Variants in KCNK2 observed in about 807,000 individuals in gnomAD.
KCNK2 encodes the protein potassium channel subfamily K member 2.
In KCNK2, 21 loss-of-function variants were observed where a neutral mutation model predicts 40.5. The ratio of observed to expected loss-of-function variants is 0.52; its 90% confidence interval spans 0.37 to 0.75. KCNK2 has a LOEUF of 0.75. KCNK2 is among the 30% of genes least tolerant of loss of function. KCNK2 has a pLI of 0.00. For synonymous variants in KCNK2, 191 were observed against 202.2 expected (o/e 0.94, Z 0.47); for missense variants, 399 against 531.6 (o/e 0.75, Z 2.45).
At chr1:215,121,954 A>ATTTGTTT (rs1661206686) in intron 2 of KCNK2, among the ~76,000 whole-genome samples, 3 of 152,200 alleles carry the variant, frequency 2.0e-5, no homozygotes, top group Non-Finnish European at 4.4e-5. Flanking sequence ...CACAAACAGA[A>ATTTGTTT]GATCTTTGAT....
intron 1 of KCNK2, among the ~76,000 whole-genome samples, chr1:215,064,048 G>T (rs1658451229): frequency 6.6e-6 from 1 of 152,162 alleles, no homozygotes; most frequent in African/African-American, 2.4e-5. Context: ...TGTATGAGGG[G>T]AATGTGTGTG....
At chr1:215,191,992 A>G (rs1322355693) in intron 5 of KCNK2, among the ~76,000 whole-genome samples, 3 of 152,232 alleles carry the variant, frequency 2.0e-5, no homozygotes, top group African/African-American at 7.2e-5. Flanking sequence ...TTAGTAAGCC[A>G]GAGACAAATA....
chr1:215,096,433 T>C (rs1392608100), intron 2 of KCNK2, among the ~76,000 whole-genome samples: 2 of 152,026 alleles, frequency 1.3e-5, no homozygotes, highest in African/African-American at 2.4e-5. Context: ...CAGTGCATAA[T>C]GATTAAATCT....
intron 1 of KCNK2, among the ~76,000 whole-genome samples, chr1:215,042,577 A>G (rs1657606503): frequency 6.6e-6 from 1 of 152,232 alleles, no homozygotes; most frequent in African/African-American, 2.4e-5. Flanking sequence ...GACTAAGAAT[A>G]AGAGTAGAAG....
intron 3 of KCNK2, among the ~76,000 whole-genome samples, chr1:215,157,310 C>G (rs951228909): frequency 6.6e-6 from 1 of 152,152 alleles, no homozygotes; most frequent in Non-Finnish European, 1.5e-5. Context: ...AGTGACCTAG[C>G]AGTTTTCTGA....
chr1:215,047,654 C>G (rs1033340590), intron 1 of KCNK2, among the ~76,000 whole-genome samples: 2 of 151,956 alleles, frequency 1.3e-5, no homozygotes, highest in Non-Finnish European at 2.9e-5. Context: ...TTCAAATATC[C>G]TAGAAAATTT....
chr1:215,104,985 T>C (rs1485225944), intron 2 of KCNK2, among the ~76,000 whole-genome samples: 1 of 152,132 alleles, frequency 6.6e-6, no homozygotes, highest in African/African-American at 2.4e-5. Flanking sequence ...TTAGAGGCTT[T>C]GTAGTATGCC....
At chr1:215,011,773 A>AT (rs1454899193) in intron 1 of KCNK2, among the ~76,000 whole-genome samples, 2 of 151,508 alleles carry the variant, frequency 1.3e-5, no homozygotes, top group African/African-American at 2.4e-5. Context: ...GCCCAGCTAT[A>AT]TTTTTTGTAT....
chr1:215,020,148 G>A (rs2102477311), intron 1 of KCNK2, among the ~76,000 whole-genome samples: 1 of 152,202 alleles, frequency 6.6e-6, no homozygotes, highest in Non-Finnish European at 1.5e-5. Flanking sequence ...TCAGAGGTGT[G>A]GCACTTTGGA....
intron 1 of KCNK2, among the ~76,000 whole-genome samples, chr1:215,086,024 G>T (rs1659417265): frequency 6.6e-6 from 1 of 152,146 alleles, no homozygotes; most frequent in East Asian, 1.9e-4. Flanking sequence ...TAGGAGTTCA[G>T]TATCTCTTTG....
intron 1 of KCNK2, among the ~76,000 whole-genome samples, chr1:215,068,049 CTTTTTTTT>C (rs397782084): frequency 7.2e-6 from 1 of 138,204 alleles, no homozygotes; most frequent in Admixed American, 7.3e-5. Context: ...GTTTCTTTTT[CTTTTTTTT>C]TTTTTTAATT....
intron 6 of KCNK2, among the ~76,000 whole-genome samples, chr1:215,229,223 T>TG (rs1390626263): frequency 1.4e-5 from 2 of 145,214 alleles, no homozygotes; most frequent in African/African-American, 5.1e-5. Flanking sequence ...TTTTTTTTTT[T>TG]GAATGTGAAT....
intron 3 of KCNK2, among the ~76,000 whole-genome samples, chr1:215,165,010 T>C (rs1013346718): frequency 6.6e-6 from 1 of 152,204 alleles, no homozygotes; most frequent in Non-Finnish European, 1.5e-5. Context: ...ACTATGCATG[T>C]ACATTTGCCT....
At position 215,234,882 on chromosome 1, in the gene KCNK2, T is replaced by A; in HGVS notation, c.1018T>A (p.Phe340Ile). 1 of 1,614,104 alleles carries A rather than the reference T, an allele frequency of 6.2e-7. No individual in the cohort carries two copies. Among genetic ancestry groups the A allele is most frequent in the Non-Finnish European group, 8.5e-7 (1 of 1,180,004 alleles). The change falls in exon 7 of 7, where the codon TTC becomes ATC. Residue 340 changes from phenylalanine to isoleucine, a missense_variant. Phe to Ile is a conservative substitution (Grantham distance 21). Around this residue, in one of 3 missense-constraint regions of KCNK2, gnomAD observed 103 missense variants for 124.3 expected, o/e 0.83. Transcript: ENST00000444842. ...AEWTANVTAE[F>I]KETRRRLSVE... ...GTGGACAGCCAACGTCACAGCCGAA[T>A]TCAAAGAAACCAGGAGGCGACTGAG...
At chr1:215,033,249 G>C (rs1475110596) in intron 1 of KCNK2, among the ~76,000 whole-genome samples, 1 of 145,098 alleles carries the variant, frequency 6.9e-6, no homozygotes, top group Non-Finnish European at 1.5e-5. Flanking sequence ...TAATCTCTCT[G>C]CTTATATTGT....
chr1:215,035,133 T>C (rs1657340431), intron 1 of KCNK2, among the ~76,000 whole-genome samples: 1 of 152,126 alleles, frequency 6.6e-6, no homozygotes. Context: ...GTCTTTGTAC[T>C]TATAGTATCC....
chr1:215,218,577 A>G (rs1666045821), intron 6 of KCNK2, among the ~76,000 whole-genome samples: 1 of 152,140 alleles, frequency 6.6e-6, no homozygotes. Flanking sequence ...TGAACAAAGC[A>G]TGTAAATGCT....
At chr1:215,053,188 G>C (rs1431390222) in intron 1 of KCNK2, among the ~76,000 whole-genome samples, 1 of 152,112 alleles carries the variant, frequency 6.6e-6, no homozygotes, top group Non-Finnish European at 1.5e-5. Flanking sequence ...TAAAATGCAG[G>C]CAAGGTGAAC....
At chr1:215,026,044 T>C (rs1462237327) in intron 1 of KCNK2, among the ~76,000 whole-genome samples, 2 of 152,010 alleles carry the variant, frequency 1.3e-5, no homozygotes, top group African/African-American at 2.4e-5. Flanking sequence ...TGTGTTGGCC[T>C]CATAGGGTTA....
Sources: gnomAD v4.1 joint callset for allele counts (sites outside exome capture counted in the v4.1 genomes callset) on GRCh38, gnomAD v4.1.1 for gene constraint, gnomAD v4.1.1 regional missense constraint, MANE v1.5 for transcripts, NCBI Gene and HGNC (gene_info 2026-07-23, HGNC 2026-07-21) for gene names.